Variants in FGFR1OP2 observed in about 807,000 individuals in gnomAD.
FGFR1OP2 encodes fibroblast growth factor receptor 1 oncogene partner 2.
In FGFR1OP2, 17 loss-of-function variants were observed where a neutral mutation model predicts 35.2. The observed-to-expected ratio is 0.48, with a 90% CI of 0.33 to 0.73. The LOEUF (loss-of-function observed/expected upper bound fraction) is 0.73. Among genes scored for constraint, FGFR1OP2 ranks in the 30% least tolerant of loss-of-function variants. The pLI, the probability that FGFR1OP2 is intolerant of heterozygous loss-of-function variation, is 0.02. For synonymous variants in FGFR1OP2, 105 were observed against 104.6 expected (o/e 1.00, Z -0.03); for missense variants, 251 against 307.3 (o/e 0.82, Z 1.37).
rs781405431 is a variant in FGFR1OP2 at position 26,956,576 on chromosome 12, G to A, written c.169G>A (p.Ala57Thr). The change falls in exon 3 of 7, where the codon GCG becomes ACG. Residue 57 changes from alanine (A) to threonine (T), a missense_variant. Coordinates refer to ENST00000229395, the MANE Select transcript of FGFR1OP2 (RefSeq NM_015633.3). Reference protein sequence around the residue: ...QEEIQELNEVARHRPRSTLVM... With the variant: ...QEEIQELNEVTRHRPRSTLVM... Reference sequence around the variant, plus strand: ...AGAAATTCAAGAACTTAATGAAGTCGCGAGACATCGGCCACGGTCCACGTT... The same window carrying A: ...AGAAATTCAAGAACTTAATGAAGTCACGAGACATCGGCCACGGTCCACGTT... 1.0e-5 allele frequency: 16 copies of A among 1,589,640 alleles called. No individual in the cohort carries two copies. Among genetic ancestry groups the A allele is most frequent in the Admixed American group, 3.5e-5 (2 of 56,958 alleles).
intron 4 of FGFR1OP2, among the ~76,000 whole-genome samples, 184 bp from the exon 5 acceptor site, chr12:26,960,331 A>C (rs1434477863): frequency 2.6e-5 from 4 of 152,116 alleles, no homozygotes. Flanking sequence ...AATCAGTAGA[A>C]AGTTTGAGAG....
At chr12:26,945,881 C>T (rs1421563479) in intron 1 of FGFR1OP2, among the ~76,000 whole-genome samples, 1 of 148,046 alleles carries the variant, frequency 6.8e-6, no homozygotes, top group East Asian at 2.0e-4. Flanking sequence ...AAAAAAAAAG[C>T]ATAATTTGTA....
chr12:26,942,685 G>A (rs112408900), intron 1 of FGFR1OP2, among the ~76,000 whole-genome samples: 1 of 152,150 alleles, frequency 6.6e-6, no homozygotes, highest in Non-Finnish European at 1.5e-5. Flanking sequence ...TTTCATGATG[G>A]TTCTAATTGC....
intron 1 of FGFR1OP2, among the ~76,000 whole-genome samples, chr12:26,943,815 A>G (rs563474539): frequency 1.3e-5 from 2 of 152,242 alleles, no homozygotes; most frequent in South Asian, 4.1e-4. Flanking sequence ...GCGACAGACT[A>G]AGACTCTGTC....
chr12:26,940,613 A>G (rs1938719546), intron 1 of FGFR1OP2, among the ~76,000 whole-genome samples: 1 of 152,224 alleles, frequency 6.6e-6, no homozygotes, highest in Non-Finnish European at 1.5e-5. Context: ...ATACCTGAAC[A>G]TGAAAAAATT....
intron 4 of FGFR1OP2, among the ~76,000 whole-genome samples, chr12:26,958,388 C>T (rs840896): frequency 0.73 from 110,399 of 152,100 alleles, 40,563 homozygotes; most frequent in East Asian, 0.94. Flanking sequence ...TTTTAAGAAA[C>T]ATTTTTTCTA....
intron 3 of FGFR1OP2, among the ~76,000 whole-genome samples, chr12:26,957,017 T>G (rs377564391): frequency 6.6e-6 from 1 of 152,220 alleles, no homozygotes; most frequent in East Asian, 1.9e-4. Context: ...CTAAGAACTT[T>G]CATTATATAC....
intron 1 of FGFR1OP2, among the ~76,000 whole-genome samples, chr12:26,942,379 A>G (rs1005388197): frequency 1.3e-5 from 2 of 152,254 alleles, no homozygotes; most frequent in African/African-American, 4.8e-5. Flanking sequence ...TGGGAATAAC[A>G]CTTGTCCTCT....
At position 26,960,597 on chromosome 12, in the gene FGFR1OP2, T is replaced by G. The variant is rs763049098; in HGVS notation, c.479T>G (p.Leu160Arg). ...RHILEAPQHG[L>R]ERRHLEANQN... ...ATCCTTGAAGCACCTCAACATGGAC[T>G]GGAGAGAAGGCACTTGGAAGCAAAT... The change falls in exon 5 of 7, where the codon CTG (leucine) becomes CGG (arginine). Residue 160 changes from leucine to arginine, a missense_variant. Leu to Arg is a moderately radical substitution (Grantham distance 102). Transcript: ENST00000229395. 6.2e-7 allele frequency: 1 copy of G among 1,613,438 alleles called. No individual in the cohort carries two copies. The highest frequency in any genetic ancestry group is 8.5e-7 in the Non-Finnish European group (1 of 1,179,608).
chr12:26,960,863 T>G, intron 5 of FGFR1OP2: 1 of 406,858 alleles, frequency 2.5e-6, no homozygotes, highest in Admixed American at 4.4e-5. Context: ...TTTTATAGGT[T>G]ATTCAGTCCA....
chr12:26,949,276 C>T (rs1398605840), intron 1 of FGFR1OP2, among the ~76,000 whole-genome samples: 3 of 152,008 alleles, frequency 2.0e-5, no homozygotes, highest in Admixed American at 2.0e-4. Flanking sequence ...GCTCAGATTA[C>T]AGGCTTGCAC....
In FGFR1OP2 at chr12:26,966,150, A is replaced by C. The variant is rs1939175817; in HGVS notation, c.*1417A>C. The C allele has an allele frequency of 6.6e-6, 1 of 152,070 alleles. No individual in the cohort carries two copies. 9.4% of individuals were successfully genotyped at this position (152,070 alleles called of 1,614,324 possible). A position where few individuals can be genotyped will look rare whatever the true frequency, so the allele number is the denominator to read the frequency against. On this transcript the variant is annotated 3_prime_UTR_variant, in exon 7 of 7. Coordinates refer to ENST00000229395, the MANE Select transcript of FGFR1OP2 (RefSeq NM_015633.3). ...GTTTGGGGTGAATGGGGTGGATGAGACTGATTGAATAGAAAAGGGCTAATG... is the reference window on the plus strand; with the variant it reads ...GTTTGGGGTGAATGGGGTGGATGAGCCTGATTGAATAGAAAAGGGCTAATG...
rs1437808801 is a variant in FGFR1OP2, at chr12:26,960,508, A to G, written c.397-7A>G. 8.7e-6 allele frequency: 14 copies of G among 1,602,508 alleles called. No individual in the cohort carries two copies. The highest frequency in any genetic ancestry group is 4.5e-5 in the East Asian group (2 of 44,776). ...CGTATTAACATTATAATGACTCTATACTACAGATTGACATGGTACATCGTA... is the reference window on the plus strand; with the variant it reads ...CGTATTAACATTATAATGACTCTATGCTACAGATTGACATGGTACATCGTA... On this transcript the variant is annotated splice_region_variant and splice_polypyrimidine_tract_variant and intron_variant, in intron 4 of 6. Coordinates refer to ENST00000229395, the MANE Select transcript of FGFR1OP2 (RefSeq NM_015633.3).
At position 26,958,023 on chromosome 12, in the gene FGFR1OP2, G is replaced by T. The variant is rs1332573093; in HGVS notation, c.396+280G>T. The stretch of plus-strand genomic sequence containing the variant: ...TATTTTGGATATAAAGGTAAGTCTG[G>T]TCTCTTCAACATTATTTTTGTAGGG... On this transcript the variant is annotated intron_variant, in intron 4 of 6. Transcript: ENST00000229395. 4 of 248,564 alleles carry T rather than the reference G, an allele frequency of 1.6e-5. No individual in the cohort carries two copies. The Admixed American group carries it at 2.1e-4, about 13-fold the overall frequency. The allele number at this position is 248,564 out of a possible 1,614,324, so 15.4% of individuals were successfully genotyped here.
intron 1 of FGFR1OP2, among the ~76,000 whole-genome samples, chr12:26,946,467 C>T (rs555668845): frequency 4.6e-5 from 7 of 152,234 alleles, no homozygotes; most frequent in South Asian, 4.1e-4. Flanking sequence ...TGTACCACCA[C>T]GCCCGGTTAA....
At chr12:26,951,630 A>C (rs971910279) in intron 1 of FGFR1OP2, among the ~76,000 whole-genome samples, 3 of 152,106 alleles carry the variant, frequency 2.0e-5, no homozygotes, top group African/African-American at 7.2e-5. Flanking sequence ...CAAGGTATAC[A>C]ATATAATAGA....
rs1408644176 is a variant in FGFR1OP2 at position 26,965,251 on chromosome 12, AGGC to A, written c.*519_*521del. 6.5e-6 allele frequency: 1 copy of A among 153,498 alleles called. No homozygotes were observed. Among genetic ancestry groups the A allele is most frequent in the East Asian group, 1.9e-4 (1 of 5,234 alleles). 9.5% of individuals were successfully genotyped at this position (153,498 alleles called of 1,614,324 possible). A position where few individuals can be genotyped will look rare whatever the true frequency, so the allele number is the denominator to read the frequency against. On this transcript the variant is annotated 3_prime_UTR_variant, in exon 7 of 7. Coordinates refer to ENST00000229395, the MANE Select transcript of FGFR1OP2 (RefSeq NM_015633.3). ...TTTGTGAAAGAAAATACAGTTTTAA[AGGC>A]TATAGGAATGTGTTATATGTACCTT...
chr12:26,954,352 A>G, intron 2 of FGFR1OP2, 59 bp downstream of exon 2: 1 of 1,519,694 alleles, frequency 6.6e-7, no homozygotes, highest in Non-Finnish European at 8.8e-7. Flanking sequence ...ACATTTATGT[A>G]TTGCTGGCTA....
chr12:26,948,219 G>A (rs547371231), intron 1 of FGFR1OP2, among the ~76,000 whole-genome samples: 11 of 152,084 alleles, frequency 7.2e-5, no homozygotes, highest in Non-Finnish European at 5.9e-5. Context: ...GAACTAAGAG[G>A]AAAATAATTA....
Sources: allele counts gnomAD v4.1 joint callset (sites outside exome capture counted in the v4.1 genomes callset), GRCh38; gene constraint gnomAD v4.1.1; transcripts MANE v1.5; gene names NCBI Gene and HGNC (gene_info 2026-07-23, HGNC 2026-07-21).